The following MCTP1 variants were observed in gnomAD, a reference collection of about 807,000 sequenced individuals.
MCTP1 encodes multiple C2 and transmembrane domain-containing protein 1.
A neutral mutation model predicts 120.6 loss-of-function variants in MCTP1; 69 were observed. That is an observed-to-expected ratio of 0.57 (90% CI 0.47 to 0.70). MCTP1 has a LOEUF of 0.70. Ranked by LOEUF, MCTP1 falls within the 30% of genes least tolerant of loss-of-function variation. The pLI, the probability that MCTP1 is intolerant of heterozygous loss-of-function variation, is 0.00. For synonymous variants in MCTP1, 529 were observed against 493.1 expected (o/e 1.07, Z -0.96); for missense variants, 1,203 against 1,248.8 (o/e 0.96, Z 0.55).
chr5:95,089,616 G>T (rs779623214), intron 1 of MCTP1, among the ~76,000 whole-genome samples: 8 of 152,162 alleles, frequency 5.3e-5, no homozygotes, highest in Non-Finnish European at 1.2e-4. Flanking sequence ...ACTACTTAAA[G>T]AATCCAGTGT....
intron 17 of MCTP1, among the ~76,000 whole-genome samples, chr5:94,804,801 C>T (rs186107272): frequency 6.6e-6 from 1 of 152,234 alleles, no homozygotes; most frequent in African/African-American, 2.4e-5. Context: ...CTTAATAAGT[C>T]AATATGATCA....
intron 1 of MCTP1, among the ~76,000 whole-genome samples, chr5:95,142,599 GA>G (rs557662991): frequency 5.1e-4 from 77 of 152,188 alleles, no homozygotes; most frequent in African/African-American, 1.8e-3. Context: ...GGGACTGGAA[GA>G]AAAAAGTCAT....
At chr5:95,108,646 C>T (rs1757259965) in intron 1 of MCTP1, among the ~76,000 whole-genome samples, 1 of 152,202 alleles carries the variant, frequency 6.6e-6, no homozygotes, top group Admixed American at 6.5e-5. Flanking sequence ...GCTGGCCTTG[C>T]TAACAATTGG....
At chr5:95,078,537 C>A (rs1275483840) in intron 1 of MCTP1, among the ~76,000 whole-genome samples, 3 of 152,112 alleles carry the variant, frequency 2.0e-5, no homozygotes, top group Non-Finnish European at 4.4e-5. Flanking sequence ...CAGCATATTT[C>A]TGGTTCATAA....
chr5:94,890,872 A>C (rs1409591961), intron 11 of MCTP1, among the ~76,000 whole-genome samples: 1 of 152,186 alleles, frequency 6.6e-6, no homozygotes, highest in Non-Finnish European at 1.5e-5. Context: ...CAGCACTTCT[A>C]CTCTGTAAAT....
At chr5:95,184,115 C>G (rs1274719198) in intron 1 of MCTP1, among the ~76,000 whole-genome samples, 1 of 151,892 alleles carries the variant, frequency 6.6e-6, no homozygotes, top group African/African-American at 2.4e-5. Context: ...ATGTAACAAA[C>G]CTGTACGTTC....
At chr5:94,889,008 G>T (rs1344407283) in intron 11 of MCTP1, 36 bp from the exon 12 acceptor site, 2 of 1,349,496 alleles carry the variant, frequency 1.5e-6, no homozygotes, top group East Asian at 2.3e-5. Flanking sequence ...GAAAAGGGAG[G>T]TCCCAAGGAG....
Position 94,912,428 on chromosome 5 carries a change from CAAAAAAAAAAAAAAAAAAAAAAAA to C in MCTP1, c.1521+354_1521+377del, listed in dbSNP as rs564439495. On this transcript the variant is annotated intron_variant, in intron 9 of 22. Coordinates refer to ENST00000515393, the MANE Select transcript of MCTP1 (RefSeq NM_024717.7). ...GCCTGGTGACAGAGTGAGACTCCAT[CAAAAAAAAAAAAAAAAAAAAAAAA>C]AAAAAAAAAAAAAAGCCGCACTCTG... is the stretch of plus-strand genomic sequence containing the variant. 1.9e-4 allele frequency among the ~76,000 whole-genome samples: 6 copies of C among 31,424 alleles called. No individual in the cohort carries two copies. In the South Asian group the frequency reaches 6.6e-3, roughly 34 times the overall value. 20.6% of individuals were successfully genotyped at this position (31,424 alleles called of 152,430 possible). A position where few individuals can be genotyped will look rare whatever the true frequency, so the allele number is the denominator to read the frequency against.
chr5:94,875,099 G>A (rs1561787394), intron 12 of MCTP1, among the ~76,000 whole-genome samples: 1 of 152,128 alleles, frequency 6.6e-6, no homozygotes, highest in Non-Finnish European at 1.5e-5. Context: ...GAAGAAGACA[G>A]ACAAGAAATA....
At chr5:95,244,910 C>T (rs182416150) in intron 1 of MCTP1, among the ~76,000 whole-genome samples, 1 of 152,264 alleles carries the variant, frequency 6.6e-6, no homozygotes, top group Admixed American at 6.5e-5. Context: ...CTGGGAAACC[C>T]CTCCCAGTAG....
chr5:94,997,204 C>T (rs1164376495), intron 2 of MCTP1, among the ~76,000 whole-genome samples: 1 of 152,156 alleles, frequency 6.6e-6, no homozygotes, highest in Non-Finnish European at 1.5e-5. Context: ...GCTGAGAGAC[C>T]TTTAAAGCTG....
intron 1 of MCTP1, among the ~76,000 whole-genome samples, chr5:95,057,146 A>T (rs954430133): frequency 1.3e-5 from 2 of 152,110 alleles, no homozygotes; most frequent in African/African-American, 4.8e-5. Flanking sequence ...AGTAACATTA[A>T]TTATAGAGAA....
At chr5:94,789,449 T>G in intron 18 of MCTP1, 1 of 152,248 alleles carries the variant, frequency 6.6e-6, no homozygotes, top group Non-Finnish European at 1.5e-5. Flanking sequence ...TCTTCCACCA[T>G]TCTACCATTT....
intron 5 of MCTP1, among the ~76,000 whole-genome samples, chr5:94,939,509 G>A (rs1224827450): frequency 4.6e-5 from 7 of 151,900 alleles, no homozygotes; most frequent in African/African-American, 9.7e-5. Context: ...GAGTAATTAG[G>A]TCCTCTGTGT....
chr5:94,811,626 G>T (rs931785406), intron 17 of MCTP1, among the ~76,000 whole-genome samples: 1 of 152,216 alleles, frequency 6.6e-6, no homozygotes. Context: ...CTTGGAGCAA[G>T]GGAAGCATGC....
chr5:94,794,929 A>T (rs1779695692), intron 18 of MCTP1, among the ~76,000 whole-genome samples: 1 of 152,116 alleles, frequency 6.6e-6, no homozygotes, highest in Non-Finnish European at 1.5e-5. Context: ...GCCCAGGGAG[A>T]GGTGGGATAT....
At chr5:95,021,749 T>C (rs1290687227) in intron 1 of MCTP1, among the ~76,000 whole-genome samples, 1 of 152,120 alleles carries the variant, frequency 6.6e-6, no homozygotes, top group Non-Finnish European at 1.5e-5. Context: ...ACTCTTATTT[T>C]CTAATACTTC....
chr5:95,041,390 C>G lies in MCTP1; in HGVS notation c.721-23906G>C, dbSNP rs148108217. ...AAACTATATGGTAATTTTAACTTGTCAGCCCTAATTATATAATTTCACTTA... is the reference window on the plus strand; with the variant it reads ...AAACTATATGGTAATTTTAACTTGTGAGCCCTAATTATATAATTTCACTTA... On this transcript the variant is annotated intron_variant, in intron 1 of 22. Transcript: ENST00000515393. Among the ~76,000 whole-genome samples the G allele has an allele frequency of 8.2e-4, 124 of 150,562 alleles. 1 individual carries two copies. In the East Asian group the frequency reaches 0.022, roughly 27 times the overall value.
intron 17 of MCTP1, among the ~76,000 whole-genome samples, chr5:94,802,066 A>G (rs1182323321): frequency 1.6e-4 from 24 of 152,240 alleles, no homozygotes; most frequent in Non-Finnish European, 1.2e-4. Flanking sequence ...GACACAGAAG[A>G]CAGAGACACA....
Sources: allele counts gnomAD v4.1 joint callset (sites outside exome capture counted in the v4.1 genomes callset), GRCh38; gene constraint gnomAD v4.1.1; transcripts MANE v1.5; gene names NCBI Gene and HGNC (gene_info 2026-07-23, HGNC 2026-07-21).